The following RP1 variants were observed in gnomAD, a reference collection of about 807,000 sequenced individuals.
The protein encoded by RP1 is oxygen-regulated protein 1.
RP1 carries 16 observed loss-of-function variants against 14.8 expected under a neutral mutation model. The observed-to-expected ratio is 1.08, with a 90% CI of 0.73 to 1.65. The LOEUF (loss-of-function observed/expected upper bound fraction) is 1.65. Among genes scored for constraint, RP1 ranks in the 40% most tolerant of loss-of-function variants. RP1 has a pLI of 0.00. For synonymous variants in RP1, 876 were observed against 883.6 expected, an observed-to-expected ratio of 0.99 and a Z score of 0.15; for missense variants, 2,631 against 2,535.0, an observed-to-expected ratio of 1.04 and a Z score of -0.81.
At position 54,780,929 on chromosome 8, in the gene RP1, A is replaced by G; in HGVS notation, c.3452-2618A>G. The G allele has an allele frequency of 6.1e-6, 6 of 985,156 alleles. No individual in the cohort carries two copies. The South Asian group carries it at 2.3e-4, about 39-fold the overall frequency. 61.0% of individuals were successfully genotyped at this position (985,156 alleles called of 1,614,324 possible). ...GGAAATGGCAGAGCACATACTTCTC[A>G]TTGTAAATATGGAAGATCCTGTTAG... On this transcript the variant is annotated intron_variant, in intron 23 of 28. Coordinates refer to the RP1 transcript ENST00000637698.
At chr8:54,684,984 G>T (rs1276055279) in intron 12 of RP1, among the ~76,000 whole-genome samples, 1 of 152,138 alleles carries the variant, frequency 6.6e-6, no homozygotes, top group African/African-American at 2.4e-5. Flanking sequence ...ACTGCGGCTT[G>T]TTGTGGGAGG....
At chr8:54,631,401 G>GA (rs1307390836), downstream of RP1, among the ~76,000 whole-genome samples, 3 of 152,094 alleles carry the variant, frequency 2.0e-5, no homozygotes, top group Non-Finnish European at 2.9e-5. Context: ...AAGTTTTGGA[G>GA]AAAAAATAGA....
chr8:54,719,664 G>T (rs1808488190), intron 15 of RP1, among the ~76,000 whole-genome samples: 3 of 152,162 alleles, frequency 2.0e-5, no homozygotes, highest in Admixed American at 2.0e-4. Flanking sequence ...TCATTTGTGT[G>T]CATGCTGTTT....
chr8:54,753,366 C>T (rs554598933), intron 19 of RP1, among the ~76,000 whole-genome samples: 1 of 152,294 alleles, frequency 6.6e-6, no homozygotes, highest in Non-Finnish European at 1.5e-5. Context: ...GGACATGGTT[C>T]CTTCCCTCAA....
intron 19 of RP1, among the ~76,000 whole-genome samples, chr8:54,742,236 T>C (rs183427508): frequency 2.0e-5 from 3 of 152,356 alleles, no homozygotes; most frequent in Admixed American, 6.5e-5. Context: ...AAATACTATA[T>C]CTGTCACTGG....
chr8:54,830,385 A>G (rs1811490904), intron 24 of RP1, among the ~76,000 whole-genome samples: 1 of 151,252 alleles, frequency 6.6e-6, no homozygotes, highest in Admixed American at 6.6e-5. Flanking sequence ...GCACCCATTA[A>G]CTCGTCATTT....
chr8:54,562,743 A>G (rs1804315785), intron 1 of RP1, among the ~76,000 whole-genome samples: 1 of 152,236 alleles, frequency 6.6e-6, no homozygotes, highest in South Asian at 2.1e-4. Context: ...TAATTTTCAC[A>G]TTAGATTTCA....
intron 25 of RP1, among the ~76,000 whole-genome samples, chr8:54,841,332 A>C (rs1563392856): frequency 6.6e-6 from 1 of 152,198 alleles, no homozygotes; most frequent in Non-Finnish European, 1.5e-5. Context: ...TTAAATTATG[A>C]AGCTATTATA....
At chr8:54,712,118 G>A (rs1422724220) in intron 15 of RP1, among the ~76,000 whole-genome samples, 1 of 152,086 alleles carries the variant, frequency 6.6e-6, no homozygotes, top group Non-Finnish European at 1.5e-5. Flanking sequence ...ACAAGGAGAG[G>A]GAAGGTCAGA....
At chr8:54,805,930 C>T (rs1432291371) in intron 24 of RP1, among the ~76,000 whole-genome samples, 1 of 152,120 alleles carries the variant, frequency 6.6e-6, no homozygotes, top group Non-Finnish European at 1.5e-5. Context: ...TGAGTGAGTC[C>T]ACCTTCTCTT....
At chr8:54,671,585 A>C (rs1328218182) in intron 7 of RP1, among the ~76,000 whole-genome samples, 2 of 152,026 alleles carry the variant, frequency 1.3e-5, no homozygotes, top group Non-Finnish European at 2.9e-5. Flanking sequence ...AAGAAAGCTG[A>C]TTCTTCTGCC....
chr8:54,807,598 G>A (rs1810883760), intron 24 of RP1, among the ~76,000 whole-genome samples: 1 of 152,120 alleles, frequency 6.6e-6, no homozygotes, highest in Non-Finnish European at 1.5e-5. Flanking sequence ...AGAACCACCA[G>A]AATGTGTGTG....
intron 1 of RP1, among the ~76,000 whole-genome samples, chr8:54,606,056 T>C (rs1263236956): frequency 6.6e-6 from 1 of 152,142 alleles, no homozygotes; most frequent in Admixed American, 6.5e-5. Context: ...AAGGTTAATA[T>C]TGTTATGTGT....
At chr8:54,784,749 A>G (rs907036170) in intron 24 of RP1, among the ~76,000 whole-genome samples, 9 of 152,116 alleles carry the variant, frequency 5.9e-5, no homozygotes, top group Non-Finnish European at 1.2e-4. Flanking sequence ...TTTCTGCCAT[A>G]CAACATATTT....
chr8:54,701,614 A>C (rs772600562), exon 14 of RP1: 16 of 1,535,636 alleles, frequency 1.0e-5, no homozygotes, highest in Admixed American at 2.0e-5. Flanking sequence ...CTGATGCATC[A>C]TCAGCAGGCT....
chr8:54,837,636 C>A (rs1229658526), exon 25 of RP1: 3 of 1,231,754 alleles, frequency 2.4e-6, no homozygotes, highest in South Asian at 4.1e-5. Flanking sequence ...GAAGGAAATA[C>A]CCATCATGGG....
chr8:54,765,856 C>T (rs1234534515), intron 22 of RP1, among the ~76,000 whole-genome samples: 3 of 152,178 alleles, frequency 2.0e-5, no homozygotes, highest in Non-Finnish European at 2.9e-5. Context: ...AGACAATGCA[C>T]TGCCATTGTT....
At chr8:54,622,315 A>G (rs1259955755) in intron 3 of RP1, 27 bp downstream of exon 3, 2 of 1,611,166 alleles carry the variant, frequency 1.2e-6, no homozygotes, top group African/African-American at 1.3e-5. Context: ...TATATAGCCC[A>G]TATTTTTAGC....
At chr8:54,570,689 A>G (rs2129292959) in intron 1 of RP1, among the ~76,000 whole-genome samples, 2 of 152,002 alleles carry the variant, frequency 1.3e-5, no homozygotes, top group South Asian at 4.2e-4. Context: ...AACACACGGA[A>G]CACATTCTCA....
Sources: allele counts gnomAD v4.1 joint callset (sites outside exome capture counted in the v4.1 genomes callset), GRCh38; gene constraint gnomAD v4.1.1; transcripts MANE v1.5; gene names NCBI Gene and HGNC (gene_info 2026-07-23, HGNC 2026-07-21).